ACTR3C: variants seen among roughly 807,000 people sequenced by gnomAD.
The protein encoded by ACTR3C is actin related protein 3C, also known as actin-related protein 3C.
In ACTR3C, 18 loss-of-function variants were observed where a neutral mutation model predicts 26.3. The ratio of observed to expected loss-of-function variants is 0.68; its 90% confidence interval spans 0.47 to 1.01. ACTR3C has a LOEUF of 1.01. ACTR3C is among the 50% of genes least tolerant of loss of function. The pLI is 0.00. For missense variants in ACTR3C, 184 were observed against 250.7 expected, an observed-to-expected ratio of 0.73 and a Z score of 1.80; for synonymous variants, 55 against 94.5, an observed-to-expected ratio of 0.58 and a Z score of 2.42.
At chr7:150,156,541 AGAGAGAGAGAGAGAG>A in the ACTR3C span, among the ~76,000 whole-genome samples, 229 of 150,204 alleles carry the variant, frequency 1.5e-3, 1 homozygote, top group African/African-American at 5.1e-3. Context: ...GTGCTTATTG[AGAGAGAGAGAGAGAG>A]GAGAGAGAGA....
At chr7:149,977,665 C>T in the ACTR3C span, among the ~76,000 whole-genome samples, 18 of 152,122 alleles carry the variant, frequency 1.2e-4, no homozygotes, top group African/African-American at 2.9e-4. Flanking sequence ...AGCTCTAGCT[C>T]GGAACCATAT....
At chr7:150,199,085 G>GC in the ACTR3C span, among the ~76,000 whole-genome samples, 546 of 146,512 alleles carry the variant, frequency 3.7e-3, 4 homozygotes, top group South Asian at 0.012. Context: ...CTGCCCGGCC[G>GC]CCCCCCCGTC....
the ACTR3C span, among the ~76,000 whole-genome samples, chr7:150,086,009 C>T: frequency 6.6e-6 from 1 of 151,054 alleles, no homozygotes; most frequent in Admixed American, 6.6e-5. Flanking sequence ...CAGAGTCTCA[C>T]TCTGTCACCC....
chr7:150,193,981 TACACACACAGACACACACACACAC>T, the ACTR3C span, among the ~76,000 whole-genome samples: 1 of 135,354 alleles, frequency 7.4e-6, no homozygotes, highest in Admixed American at 7.1e-5. Context: ...AAAATACACA[TACACACACAGACACACACACACAC>T]ACACACACAC....
chr7:149,923,623 A>C, the ACTR3C span, among the ~76,000 whole-genome samples: 1 of 152,336 alleles, frequency 6.6e-6, no homozygotes, highest in East Asian at 1.9e-4. Flanking sequence ...CAGAAAATGC[A>C]AGGAGACCTT....
the ACTR3C span, among the ~76,000 whole-genome samples, chr7:150,151,401 CTCA>C: frequency 9.7e-3 from 1,341 of 137,866 alleles, 124 homozygotes; most frequent in African/African-American, 0.031. Flanking sequence ...CTATAACTAT[CTCA>C]TCATAAAATG....
At chr7:149,888,009 C>G in the ACTR3C span, among the ~76,000 whole-genome samples, 1 of 152,010 alleles carries the variant, frequency 6.6e-6, no homozygotes, top group Non-Finnish European at 1.5e-5. Flanking sequence ...TTTTTTTCCC[C>G]CCAGTTTCAG....
At chr7:149,907,478 T>TTCTCTTCTC in the ACTR3C span, among the ~76,000 whole-genome samples, 2,175 of 97,232 alleles carry the variant, frequency 0.022, 55 homozygotes, top group African/African-American at 0.045. Context: ...CTCTCTTCTC[T>TTCTCTTCTC]TCTCTCTCTC....
At chr7:150,201,751 C>CAA in the ACTR3C span, among the ~76,000 whole-genome samples, 3 of 118,166 alleles carry the variant, frequency 2.5e-5, no homozygotes, top group Non-Finnish European at 5.6e-5. Flanking sequence ...AGAGTGAATC[C>CAA]AAAAAAAAAA....
At chr7:149,897,665 A>T in the ACTR3C span, among the ~76,000 whole-genome samples, 5 of 152,248 alleles carry the variant, frequency 3.3e-5, no homozygotes, top group African/African-American at 1.2e-4. Context: ...CAAGAATTCA[A>T]GACCACCCTG....
chr7:149,940,751 C>T, the ACTR3C span, among the ~76,000 whole-genome samples: 3 of 141,932 alleles, frequency 2.1e-5, no homozygotes, highest in South Asian at 5.0e-4. Flanking sequence ...CACAGGGCCT[C>T]GGGATGACCC....
Position 150,284,832 on chromosome 7 carries a change from T to A in ACTR3C, c.485A>T (p.Asp162Val). 6.2e-7 allele frequency: 1 copy of A among 1,609,356 alleles called. No homozygotes were observed. The highest frequency in any genetic ancestry group is 8.5e-7 in the Non-Finnish European group (1 of 1,178,260). Residue 162 changes from aspartate (D) to valine (V), a missense_variant, in exon 6 of 8, where the codon GAC (aspartate) becomes GTC (valine). Asp to Val is a radical substitution (Grantham distance 152). Transcript: ENST00000683684. ...AACATCTGAGATGGACTCCATAGAG[T>A]CTGGGTTGGCAAACTGAATTGTATA... The part of the protein sequence containing the change: ...IFFHPEFANP[D>V]SMESISDVVD...
At chr7:150,046,337 A>C in the ACTR3C span, among the ~76,000 whole-genome samples, 1 of 85,280 alleles carries the variant, frequency 1.2e-5, no homozygotes, top group African/African-American at 4.3e-5. Flanking sequence ...AAATCACTCA[A>C]TGTCTCACCG....
At chr7:149,993,257 C>T in the ACTR3C span, among the ~76,000 whole-genome samples, 3 of 150,982 alleles carry the variant, frequency 2.0e-5, no homozygotes, top group East Asian at 1.9e-4. Flanking sequence ...ATCCTTCAAT[C>T]CAATCAAGTT....
the ACTR3C span, among the ~76,000 whole-genome samples, chr7:150,128,102 T>C: frequency 7.1e-6 from 1 of 140,926 alleles, no homozygotes; most frequent in Non-Finnish European, 1.5e-5. Flanking sequence ...ACCAAGTGCC[T>C]TGATTGGCAG....
chr7:149,971,423 C>G, the ACTR3C span, among the ~76,000 whole-genome samples: 1 of 152,208 alleles, frequency 6.6e-6, no homozygotes. Context: ...TGCATTCACA[C>G]TCAGGTGCAT....
At chr7:149,953,679 A>T in the ACTR3C span, among the ~76,000 whole-genome samples, 1 of 152,196 alleles carries the variant, frequency 6.6e-6, no homozygotes, top group African/African-American at 2.4e-5. Flanking sequence ...TTTATTCTGA[A>T]TATGGCAGAC....
At chr7:150,223,052 C>T in the ACTR3C span, among the ~76,000 whole-genome samples, 5 of 152,180 alleles carry the variant, frequency 3.3e-5, no homozygotes, top group African/African-American at 1.2e-4. Flanking sequence ...CCTGTTAAGA[C>T]AGGTTACATT....
At chr7:149,941,225 T>C in the ACTR3C span, among the ~76,000 whole-genome samples, 4 of 152,144 alleles carry the variant, frequency 2.6e-5, no homozygotes, top group Admixed American at 1.3e-4. Context: ...GGCATATAAA[T>C]GGAAGTTTAC....
Sources: allele counts gnomAD v4.1 joint callset (sites outside exome capture counted in the v4.1 genomes callset), GRCh38; gene constraint gnomAD v4.1.1; transcripts MANE v1.5; gene names NCBI Gene and HGNC (gene_info 2026-07-23, HGNC 2026-07-21).